ANKRD30B: variants seen among roughly 807,000 people sequenced by gnomAD.
ANKRD30B encodes ankyrin repeat domain-containing protein 30B.
ANKRD30B carries 144 observed loss-of-function variants against 202.2 expected under a neutral mutation model. That is an observed-to-expected ratio of 0.71 (90% CI 0.62 to 0.82). The LOEUF (loss-of-function observed/expected upper bound fraction) is 0.82. Ranked by LOEUF, ANKRD30B falls within the 40% of genes least tolerant of loss-of-function variation. ANKRD30B has a pLI of 0.00. For synonymous variants in ANKRD30B, 508 were observed against 561.3 expected, an observed-to-expected ratio of 0.91 and a Z score of 1.34; for missense variants, 1,487 against 1,669.1, an observed-to-expected ratio of 0.89 and a Z score of 1.90.
the ANKRD30B span, among the ~76,000 whole-genome samples, chr18:14,883,017 G>A: frequency 6.6e-6 from 1 of 152,080 alleles, no homozygotes; most frequent in South Asian, 2.1e-4. Context: ...TCTTTCTAGT[G>A]CCTACATTTC....
chr18:14,930,542 T>TTC, the ANKRD30B span, among the ~76,000 whole-genome samples: 1 of 152,016 alleles, frequency 6.6e-6, no homozygotes, highest in African/African-American at 2.4e-5. Context: ...TTCTAAGCTA[T>TTC]CAAAGAGGTT....
chr18:14,766,152 G>A (rs1916098698), intron 7 of ANKRD30B, among the ~76,000 whole-genome samples: 1 of 152,048 alleles, frequency 6.6e-6, no homozygotes, highest in South Asian at 2.1e-4. Context: ...CTGTGCATGA[G>A]CATTTACAAT....
chr18:14,843,076 A>G lies in ANKRD30B; in HGVS notation c.3161A>G (p.Asn1054Ser), dbSNP rs1971487188. Residue 1054 changes from asparagine (N) to serine (S), a missense_variant, in exon 39 of 44, where the codon AAT becomes AGT. By Grantham distance (46) the Asn-to-Ser change is conservative. Transcript: ENST00000690538. ...CCAAATAAAGGCTTAGAATGGAAGA[A>G]TAAACAAACATTGAGAGCAGGTAAA... ...SVPNKGLEWKNKQTLRADSTT... is the reference protein window; with the variant it reads ...SVPNKGLEWKSKQTLRADSTT... 2 of 1,608,542 alleles carry G rather than the reference A, an allele frequency of 1.2e-6. No homozygotes were observed. Among genetic ancestry groups the G allele is most frequent in the African/African-American group, 2.7e-5 (2 of 74,736 alleles).
At chr18:14,821,799 A>G (rs181957864) in intron 30 of ANKRD30B, among the ~76,000 whole-genome samples, 3 of 152,310 alleles carry the variant, frequency 2.0e-5, no homozygotes, top group African/African-American at 7.2e-5. Flanking sequence ...TTTTCTGTAT[A>G]AGTGGATCAG....
chr18:14,916,114 G>T, the ANKRD30B span, among the ~76,000 whole-genome samples: 1 of 152,162 alleles, frequency 6.6e-6, no homozygotes, highest in African/African-American at 2.4e-5. Flanking sequence ...AAATGGTTAT[G>T]CTCTTGGCTG....
intron 14 of ANKRD30B, 49 bp downstream of exon 14, chr18:14,784,584 C>T: frequency 6.5e-7 from 1 of 1,544,382 alleles, no homozygotes; most frequent in Non-Finnish European, 8.9e-7. Context: ...CAATATTGGA[C>T]ATTTTGATAG....
intron 9 of ANKRD30B, among the ~76,000 whole-genome samples, chr18:14,774,390 CT>C (rs1211092958): frequency 6.6e-6 from 1 of 152,110 alleles, no homozygotes; most frequent in Non-Finnish European, 1.5e-5. Context: ...TTGCCCCAGA[CT>C]TTTTTTCTCA....
At chr18:14,783,970 G>A (rs1211792832) in intron 12 of ANKRD30B, among the ~76,000 whole-genome samples, 1 of 151,974 alleles carries the variant, frequency 6.6e-6, no homozygotes, top group Admixed American at 6.6e-5. Flanking sequence ...CCAAAGATAG[G>A]CCATATTAAA....
intron 30 of ANKRD30B, among the ~76,000 whole-genome samples, chr18:14,821,540 C>T (rs1489091652): frequency 6.6e-6 from 1 of 152,170 alleles, no homozygotes; most frequent in Non-Finnish European, 1.5e-5. Flanking sequence ...TCACTGCCAC[C>T]TCCGCCTCCT....
In ANKRD30B at chr18:14,852,429, C is replaced by A; in HGVS notation, c.4476+9C>A. 2.0e-6 allele frequency: 3 copies of A among 1,512,366 alleles called. No homozygotes were observed. Among genetic ancestry groups the A allele is most frequent in the South Asian group, 2.6e-5 (2 of 76,352 alleles). 93.7% of individuals were successfully genotyped at this position (1,512,366 alleles called of 1,614,324 possible). The stretch of plus-strand genomic sequence containing the variant: ...AGAAAGCAGAAAGAGAAGTAAGTAT[C>A]AAAAAATATAAATACTTTTCAAACT... On this transcript the variant is annotated intron_variant, in intron 42 of 43. Transcript: ENST00000690538.
chr18:14,786,068 A>C (rs1260694242), intron 14 of ANKRD30B, among the ~76,000 whole-genome samples: 1 of 151,152 alleles, frequency 6.6e-6, no homozygotes, highest in Non-Finnish European at 1.5e-5. Flanking sequence ...AAAAAAAAAA[A>C]AAACAGGTAG....
intron 34 of ANKRD30B, among the ~76,000 whole-genome samples, chr18:14,831,770 A>G (rs144162931): frequency 0.011 from 1,659 of 152,266 alleles, 31 homozygotes; most frequent in African/African-American, 0.038. Context: ...CTTTTCCACA[A>G]TAGAGAATAT....
At chr18:14,777,777 C>T (rs1598604404) in intron 9 of ANKRD30B, among the ~76,000 whole-genome samples, 2 of 151,420 alleles carry the variant, frequency 1.3e-5, no homozygotes, top group African/African-American at 4.8e-5. Context: ...CGCCATCTCT[C>T]CTAAAAATAC....
chr18:14,799,439 T>C (rs1179258750), intron 22 of ANKRD30B, 144 bp downstream of exon 22: 1 of 924,460 alleles, frequency 1.1e-6, no homozygotes, highest in African/African-American at 1.7e-5. Context: ...TTAGTATTCA[T>C]GTTTGAGAAA....
At chr18:14,880,311 A>G in the ANKRD30B span, among the ~76,000 whole-genome samples, 13 of 152,118 alleles carry the variant, frequency 8.5e-5, no homozygotes, top group East Asian at 1.9e-4. Flanking sequence ...AAATCAAGTA[A>G]TGTGATGCCT....
In ANKRD30B at chr18:14,774,901, G is replaced by A. The variant is rs553951721; in HGVS notation, c.1329+2673G>A. Among the ~76,000 whole-genome samples, 8 of 152,162 alleles carry A rather than the reference G, an allele frequency of 5.3e-5. No homozygotes were observed. In the East Asian group the frequency reaches 1.6e-3, roughly 29 times the overall value. The stretch of plus-strand genomic sequence containing the variant: ...CCAGCACTTTGGGAGTCCAAGGCCG[G>A]CAGATCACGAGGTCAGGAGATCGAG... On this transcript the variant is annotated intron_variant, in intron 9 of 43. Coordinates refer to ENST00000690538, the MANE Select transcript of ANKRD30B (RefSeq NM_001367607.2).
At chr18:14,852,921 A>G (rs1447521731) in intron 42 of ANKRD30B, among the ~76,000 whole-genome samples, 3 of 152,262 alleles carry the variant, frequency 2.0e-5, no homozygotes, top group Non-Finnish European at 2.9e-5. Context: ...AGCTTTTTAT[A>G]TATTTTATTT....
At chr18:14,751,966 A>T (rs183780507) in intron 1 of ANKRD30B, among the ~76,000 whole-genome samples, 92 of 152,336 alleles carry the variant, frequency 6.0e-4, no homozygotes, top group African/African-American at 1.9e-4. Context: ...GTAATAAATA[A>T]TGAATTATAA....
At chr18:14,815,564 A>C (rs909824550) in intron 30 of ANKRD30B, among the ~76,000 whole-genome samples, 29 of 152,122 alleles carry the variant, frequency 1.9e-4, no homozygotes, top group Non-Finnish European at 2.9e-5. Context: ...GTGGAAGAAG[A>C]GTAATTGGAT....
Sources: gnomAD v4.1 joint callset for allele counts (sites outside exome capture counted in the v4.1 genomes callset) on GRCh38, gnomAD v4.1.1 for gene constraint, MANE v1.5 for transcripts, NCBI Gene and HGNC (gene_info 2026-07-23, HGNC 2026-07-21) for gene names.